The following CTNNA3 variants were observed in gnomAD, a reference collection of about 807,000 sequenced individuals.
The protein encoded by CTNNA3 is catenin alpha 3.
In CTNNA3, 76 loss-of-function variants were observed where a neutral mutation model predicts 95.7. The observed-to-expected ratio is 0.79, with a 90% CI of 0.66 to 0.96. The LOEUF is 0.96. CTNNA3 is among the 40% of genes least tolerant of loss of function. CTNNA3 has a pLI of 0.00. For synonymous variants in CTNNA3, 431 were observed against 374.4 expected, an observed-to-expected ratio of 1.15 and a Z score of -1.74; for missense variants, 1,191 against 1,089.8, an observed-to-expected ratio of 1.09 and a Z score of -1.31.
intron 3 of CTNNA3, among the ~76,000 whole-genome samples, chr10:67,581,641 C>G (rs1842403253): frequency 1.3e-5 from 2 of 152,152 alleles, no homozygotes; most frequent in African/African-American, 2.4e-5. Context: ...ATGGTACCAG[C>G]TCCTCCTCAT....
chr10:65,979,955 A>G (rs10996803), intron 16 of CTNNA3, among the ~76,000 whole-genome samples: 4,627 of 152,208 alleles, frequency 0.03, 89 homozygotes, highest in Middle Eastern at 0.092. Context: ...AGAGAAGAAA[A>G]TAAATAACAA....
intron 7 of CTNNA3, among the ~76,000 whole-genome samples, chr10:67,058,093 G>A (rs1564861005): frequency 6.6e-6 from 1 of 152,114 alleles, no homozygotes; most frequent in African/African-American, 2.4e-5. Context: ...TTGCATGCTG[G>A]TGTCTCTTCA....
chr10:67,082,330 A>G (rs1044086050), intron 7 of CTNNA3, among the ~76,000 whole-genome samples: 3 of 152,146 alleles, frequency 2.0e-5, no homozygotes, highest in African/African-American at 7.2e-5. Context: ...TAAGTGCTAG[A>G]TTTATTGCCT....
chr10:67,614,907 C>T (rs1170695081), intron 2 of CTNNA3, among the ~76,000 whole-genome samples: 1 of 152,208 alleles, frequency 6.6e-6, no homozygotes, highest in African/African-American at 2.4e-5. Flanking sequence ...CACATGTATG[C>T]ACACAACAAT....
Position 66,176,290 on chromosome 10 carries a change from A to G in CTNNA3, c.1885-73041T>C, listed in dbSNP as rs184131869. Among the ~76,000 whole-genome samples, 23 of 152,304 alleles carry G rather than the reference A, an allele frequency of 1.5e-4. 1 individual carries two copies. In the East Asian group the frequency reaches 4.2e-3, roughly 28 times the overall value. ...CTGAAAGTAAAGAAAAGGAGAAAGG[A>G]TAATGCTTCTGAAAACCATCATTTA... On this transcript the variant is annotated intron_variant, in intron 13 of 17. Transcript: ENST00000433211.
chr10:66,978,273 C>A (rs536866230), intron 7 of CTNNA3, among the ~76,000 whole-genome samples: 220 of 151,914 alleles, frequency 1.4e-3, no homozygotes, highest in Non-Finnish European at 2.4e-3. Context: ...CACCTGTAAT[C>A]CCAGCATTTT....
chr10:66,389,724 G>GGAGAGAGA (rs3980751), intron 11 of CTNNA3, among the ~76,000 whole-genome samples: 3 of 145,414 alleles, frequency 2.1e-5, no homozygotes, highest in Non-Finnish European at 3.1e-5. Context: ...ATATATATAT[G>GGAGAGAGA]GAGAGAGAGA....
At chr10:67,727,938 T>C (rs1841250238) in intron 1 of CTNNA3, among the ~76,000 whole-genome samples, 1 of 135,844 alleles carries the variant, frequency 7.4e-6, no homozygotes, top group Admixed American at 8.1e-5. Flanking sequence ...TATTATATTA[T>C]GTAGAATATA....
chr10:66,381,031 C>T (rs1464380222), intron 11 of CTNNA3, among the ~76,000 whole-genome samples: 1 of 152,224 alleles, frequency 6.6e-6, no homozygotes, highest in South Asian at 2.1e-4. Context: ...AGGACCTGAA[C>T]TCAGCTCTGC....
intron 13 of CTNNA3, among the ~76,000 whole-genome samples, chr10:66,227,698 G>T (rs1301901056): frequency 1.3e-5 from 2 of 152,084 alleles, no homozygotes; most frequent in Non-Finnish European, 2.9e-5. Flanking sequence ...AAATGAGTAA[G>T]AAAGTTTGTA....
intron 13 of CTNNA3, among the ~76,000 whole-genome samples, chr10:66,208,981 T>G (rs1269170840): frequency 6.6e-6 from 1 of 152,042 alleles, no homozygotes; most frequent in Non-Finnish European, 1.5e-5. Flanking sequence ...AGTATATATT[T>G]TATGGTATAT....
chr10:66,313,729 C>T (rs4259733), intron 12 of CTNNA3, among the ~76,000 whole-genome samples: 59,492 of 152,004 alleles, frequency 0.39, 11,843 homozygotes, highest in South Asian at 0.48. Flanking sequence ...ATTGCCATGA[C>T]AATGACATAA....
chr10:66,442,712 T>C lies in CTNNA3; in HGVS notation c.1532-63360A>G, dbSNP rs566408116. Among the ~76,000 whole-genome samples, 85 of 152,308 alleles carry C rather than the reference T, an allele frequency of 5.6e-4. 2 individuals carry two copies. In the South Asian group the frequency reaches 0.018, roughly 32 times the overall value. ...TGGCCGAATAGGAACAGCTCCGGTC[T>C]ACAGCTCCCAGCGTGAGTGACGCAG... On this transcript the variant is annotated intron_variant, in intron 11 of 17. Coordinates refer to ENST00000433211, the MANE Select transcript of CTNNA3 (RefSeq NM_013266.4).
intron 15 of CTNNA3, among the ~76,000 whole-genome samples, chr10:66,040,944 T>G (rs1320831283): frequency 6.6e-6 from 1 of 152,098 alleles, no homozygotes; most frequent in Non-Finnish European, 1.5e-5. Flanking sequence ...ACAAAATAAT[T>G]TCATAGTCTC....
At chr10:67,569,158 C>T (rs1021414278) in intron 3 of CTNNA3, among the ~76,000 whole-genome samples, 1 of 152,074 alleles carries the variant, frequency 6.6e-6, no homozygotes, top group Non-Finnish European at 1.5e-5. Context: ...GCTAAAAAAA[C>T]GTTCAACATG....
chr10:67,430,294 T>C (rs564596442), intron 5 of CTNNA3, among the ~76,000 whole-genome samples: 1 of 152,146 alleles, frequency 6.6e-6, no homozygotes, highest in South Asian at 2.1e-4. Context: ...TCTAAAGACC[T>C]GGACTGTAGT....
chr10:67,698,534 G>C (rs1035024427), upstream of CTNNA3, among the ~76,000 whole-genome samples: 1 of 152,160 alleles, frequency 6.6e-6, no homozygotes, highest in African/African-American at 2.4e-5. Context: ...TCAGAATGGA[G>C]TAGTTTCTTC....
rs546097047 is a variant in CTNNA3 at position 66,928,542 on chromosome 10, G to GC, written c.1048-153019dup. 4.7e-4 allele frequency: 578 copies of GC among 1,220,608 alleles called. 5 individuals are homozygous for GC. In the South Asian group the frequency reaches 7.9e-3, roughly 17 times the overall value. 75.6% of individuals were successfully genotyped at this position (1,220,608 alleles called of 1,614,324 possible). ...CTGGTGACTATCAAGGGAACGCGATGCCCCCCCTCCCCTTCCCTCTCCCTC... is the reference window on the plus strand; with the variant it reads ...CTGGTGACTATCAAGGGAACGCGATGCCCCCCCCTCCCCTTCCCTCTCCCTC... On this transcript the variant is annotated intron_variant, in intron 7 of 17. Coordinates refer to ENST00000433211, the MANE Select transcript of CTNNA3 (RefSeq NM_013266.4).
chr10:66,553,040 GTTAT>G (rs1842269216), intron 10 of CTNNA3, among the ~76,000 whole-genome samples: 1 of 151,706 alleles, frequency 6.6e-6, no homozygotes, highest in Non-Finnish European at 1.5e-5. Context: ...TCTGATATTG[GTTAT>G]TTATTCATTT....
Sources: gnomAD v4.1 joint callset for allele counts (sites outside exome capture counted in the v4.1 genomes callset) on GRCh38, gnomAD v4.1.1 for gene constraint, MANE v1.5 for transcripts, NCBI Gene and HGNC (gene_info 2026-07-23, HGNC 2026-07-21) for gene names.